RAD51: variants seen among roughly 807,000 people sequenced by gnomAD.
RAD51 encodes the protein RAD51 recombinase.
RAD51 carries 14 observed loss-of-function variants against 41.5 expected under a neutral mutation model. The observed-to-expected ratio is 0.34, with a 90% CI of 0.22 to 0.53. The LOEUF is 0.53. Ranked by LOEUF, RAD51 falls within the 20% of genes least tolerant of loss-of-function variation. The probability of loss-of-function intolerance (pLI) is 0.95; values close to 1 mark genes in which losing one functional copy is unlikely to be tolerated. For missense variants in RAD51, 234 were observed against 422.0 expected (o/e 0.55, Z 3.90); for synonymous variants, 136 against 148.6 (o/e 0.92, Z 0.62).
At chr15:40,700,070 A>G (rs1434768154) in intron 2 of RAD51, among the ~76,000 whole-genome samples, 1 of 152,192 alleles carries the variant, frequency 6.6e-6, no homozygotes, top group African/African-American at 2.4e-5. Context: ...GAGCATCCTT[A>G]TACTCAAACA....
In RAD51 at chr15:40,731,575, T is replaced by C. The variant is rs1896877591; in HGVS notation, c.*397T>C. 1 of 328,116 alleles carries C rather than the reference T, an allele frequency of 3.0e-6. No homozygotes were observed. Among genetic ancestry groups the C allele is most frequent in the Non-Finnish European group, 5.7e-6 (1 of 175,592 alleles). 20.3% of individuals were successfully genotyped at this position (328,116 alleles called of 1,614,324 possible). On this transcript the variant is annotated 3_prime_UTR_variant, in exon 10 of 10. Coordinates refer to ENST00000267868, the MANE Select transcript of RAD51 (RefSeq NM_002875.5). Reference sequence around the variant, plus strand: ...TAAATTAATGGTAAAATAAAATGCCTCAGCTATGTAGCAAAGGGAATGGGT... The same window carrying C: ...TAAATTAATGGTAAAATAAAATGCCCCAGCTATGTAGCAAAGGGAATGGGT...
chr15:40,716,875 T>C (rs1426560052), intron 5 of RAD51, among the ~76,000 whole-genome samples: 2 of 151,946 alleles, frequency 1.3e-5, no homozygotes, highest in African/African-American at 2.4e-5. Context: ...TTAGCCAGGA[T>C]GGTCTCGGTC....
At chr15:40,701,776 ATTTTTTTTT>A (rs35383252) in intron 3 of RAD51, 19 of 134,826 alleles carry the variant, frequency 1.4e-4, no homozygotes, top group East Asian at 5.5e-4. Context: ...TATAAAGCAG[ATTTTTTTTT>A]TTTTTTTTTT....
At chr15:40,705,906 G>A (rs188242138) in intron 3 of RAD51, among the ~76,000 whole-genome samples, 583 of 152,126 alleles carry the variant, frequency 3.8e-3, no homozygotes, top group Middle Eastern at 0.014. Context: ...GCACCCGGCC[G>A]GATCTATAAT....
chr15:40,729,025 A>G (rs552614383), intron 7 of RAD51, among the ~76,000 whole-genome samples: 1 of 152,282 alleles, frequency 6.6e-6, no homozygotes, highest in East Asian at 1.9e-4. Context: ...ACTTGCTGGA[A>G]ATCTTGTTAA....
intron 2 of RAD51, 39 bp downstream of exon 2, chr15:40,698,884 A>G: frequency 6.4e-7 from 1 of 1,568,770 alleles, no homozygotes; most frequent in South Asian, 1.1e-5. Flanking sequence ...TATATACTAG[A>G]TTCTTCTACC....
chr15:40,731,317 C>G lies in RAD51; in HGVS notation c.*139C>G, dbSNP rs533603734. The G allele has an allele frequency of 1.7e-6, 2 of 1,146,408 alleles. No homozygotes were observed. The highest frequency in any genetic ancestry group is 2.6e-5 in the South Asian group (2 of 76,032). The allele number at this position is 1,146,408 out of a possible 1,614,324, so 71.0% of individuals were successfully genotyped here. ...TCCGGGAAAACAGCTATTATATCAG[C>G]TTTTCTGATGGTATAAACAGGAGAC... On this transcript the variant is annotated 3_prime_UTR_variant, in exon 10 of 10. Coordinates refer to ENST00000267868, the MANE Select transcript of RAD51 (RefSeq NM_002875.5).
chr15:40,715,168 C>G (rs1381213027), intron 5 of RAD51, among the ~76,000 whole-genome samples: 2 of 152,032 alleles, frequency 1.3e-5, no homozygotes, highest in African/African-American at 4.8e-5. Flanking sequence ...ACAGCCTGGC[C>G]AAGATGGTGC....
At chr15:40,702,015 C>G in intron 3 of RAD51, 1 of 193,306 alleles carries the variant, frequency 5.2e-6, no homozygotes, top group South Asian at 6.5e-5. Flanking sequence ...ATCTCCTGAC[C>G]TTGTGATCTG....
chr15:40,713,589 G>T (rs1240009022), intron 5 of RAD51, among the ~76,000 whole-genome samples: 1 of 148,520 alleles, frequency 6.7e-6, no homozygotes, highest in Non-Finnish European at 1.5e-5. Flanking sequence ...TATTTTCTTT[G>T]CAGACCAAAA....
intron 1 of RAD51, among the ~76,000 whole-genome samples, chr15:40,697,286 T>C (rs531991017): frequency 1.3e-3 from 194 of 152,154 alleles, no homozygotes; most frequent in African/African-American, 4.6e-3. Flanking sequence ...TTTTCTTTAA[T>C]AGAGACAGGA....
At chr15:40,730,941 A>T in intron 9 of RAD51, 114 bp from the exon 10 acceptor site, 2 of 1,364,812 alleles carry the variant, frequency 1.5e-6, no homozygotes, top group South Asian at 2.5e-5. Flanking sequence ...AAACATTCCC[A>T]GGGTCCTTCT....
At chr15:40,708,969 C>A in intron 4 of RAD51, 56 bp from the exon 5 acceptor site, 1 of 1,398,226 alleles carries the variant, frequency 7.2e-7, no homozygotes, top group Non-Finnish European at 1.0e-6. Context: ...ATTTCTATGA[C>A]TACAGTTTCT....
intron 5 of RAD51, among the ~76,000 whole-genome samples, chr15:40,714,436 A>G (rs1895884176): frequency 6.6e-6 from 1 of 152,222 alleles, no homozygotes. Flanking sequence ...TATAGTTGCC[A>G]TGGCAACTCA....
At chr15:40,699,769 T>A (rs1267978740) in intron 2 of RAD51, among the ~76,000 whole-genome samples, 1 of 152,158 alleles carries the variant, frequency 6.6e-6, no homozygotes, top group Non-Finnish European at 1.5e-5. Context: ...CAAGCTCCAA[T>A]TCAGGATTCT....
intron 6 of RAD51, 123 bp downstream of exon 6, chr15:40,719,022 T>C (rs1896128672): frequency 9.2e-6 from 8 of 870,196 alleles, no homozygotes; most frequent in Non-Finnish European, 1.5e-5. Context: ...TATGTGTGGT[T>C]CAAAAGAATG....
intron 5 of RAD51, among the ~76,000 whole-genome samples, chr15:40,712,100 T>A (rs1421313445): frequency 1.3e-5 from 2 of 150,414 alleles, no homozygotes; most frequent in Non-Finnish European, 3.0e-5. Flanking sequence ...AAAATTAAGA[T>A]CCTATTTCAG....
In RAD51 at chr15:40,732,094, A is replaced by G. The variant is rs1295865411; in HGVS notation, c.*916A>G. Reference sequence around the variant, plus strand: ...TGAGACCATGTTTCAAACAAGAAACATTTCAGAGGGTAAGTAAACAGATTT... The same window carrying G: ...TGAGACCATGTTTCAAACAAGAAACGTTTCAGAGGGTAAGTAAACAGATTT... On this transcript the variant is annotated 3_prime_UTR_variant, in exon 10 of 10. Coordinates refer to ENST00000267868, the MANE Select transcript of RAD51 (RefSeq NM_002875.5). 1 of 205,566 alleles carries G rather than the reference A, an allele frequency of 4.9e-6. No homozygotes were observed. Among genetic ancestry groups the G allele is most frequent in the Non-Finnish European group, 9.9e-6 (1 of 100,706 alleles). The allele number at this position is 205,566 out of a possible 1,614,324, so 12.7% of individuals were successfully genotyped here.
chr15:40,715,336 C>T (rs1181654682), intron 5 of RAD51, among the ~76,000 whole-genome samples: 2 of 151,266 alleles, frequency 1.3e-5, no homozygotes, highest in African/African-American at 4.9e-5. Context: ...GCCTGGGCAA[C>T]AGAGTAAGAT....
Sources: allele counts gnomAD v4.1 joint callset (sites outside exome capture counted in the v4.1 genomes callset), GRCh38; gene constraint gnomAD v4.1.1; transcripts MANE v1.5; gene names NCBI Gene and HGNC (gene_info 2026-07-23, HGNC 2026-07-21).